Variants in TCF7L1 observed in about 807,000 individuals in gnomAD.
The protein encoded by TCF7L1 is transcription factor 7 like 1, also known as transcription factor 7-like 1.
A neutral mutation model predicts 63.7 loss-of-function variants in TCF7L1; 18 were observed. The ratio of observed to expected loss-of-function variants is 0.28; its 90% CI spans 0.20 to 0.42. The LOEUF is 0.42. Among genes scored for constraint, TCF7L1 ranks in the 10% least tolerant of loss-of-function variants. TCF7L1 has a pLI of 1.00. For missense variants in TCF7L1, 654 were observed against 779.3 expected (o/e 0.84, Z 1.91); for synonymous variants, 355 against 340.9 (o/e 1.04, Z -0.46).
intron 3 of TCF7L1, among the ~76,000 whole-genome samples, chr2:85,270,224 A>G (rs1201220953): frequency 6.6e-6 from 1 of 152,164 alleles, no homozygotes; most frequent in East Asian, 1.9e-4. Flanking sequence ...TTTCTCCTCA[A>G]TACCTGGGAT....
intron 3 of TCF7L1, among the ~76,000 whole-genome samples, chr2:85,269,161 G>A (rs375132072): frequency 2.0e-5 from 3 of 152,238 alleles, no homozygotes; most frequent in South Asian, 4.2e-4. Flanking sequence ...TCCTAGGGGT[G>A]CCCTCATCCA....
At chr2:85,287,769 C>T (rs1312354851) in intron 4 of TCF7L1, among the ~76,000 whole-genome samples, 1 of 152,128 alleles carries the variant, frequency 6.6e-6, no homozygotes, top group Non-Finnish European at 1.5e-5. Context: ...CTCATTCCAA[C>T]GAGAGGTGTG....
intron 3 of TCF7L1, among the ~76,000 whole-genome samples, chr2:85,278,599 G>A (rs550199457): frequency 6.6e-6 from 1 of 152,266 alleles, no homozygotes; most frequent in African/African-American, 2.4e-5. Flanking sequence ...AGAGAAAAAT[G>A]CAACAACTGC....
chr2:85,227,455 C>A (rs1174397916), intron 3 of TCF7L1, among the ~76,000 whole-genome samples: 1 of 148,150 alleles, frequency 6.7e-6, no homozygotes, highest in Non-Finnish European at 1.5e-5. Context: ...TTTTTTTTAA[C>A]CAAGTAAGAA....
intron 3 of TCF7L1, among the ~76,000 whole-genome samples, chr2:85,241,444 T>TTTTG (rs1558643535): frequency 8.0e-6 from 1 of 125,730 alleles, no homozygotes; most frequent in African/African-American, 2.8e-5. Flanking sequence ...TTTGTTTTTT[T>TTTTG]TTTTTTTTTT....
chr2:85,135,276 G>A (rs1189804970), intron 3 of TCF7L1, among the ~76,000 whole-genome samples: 1 of 152,174 alleles, frequency 6.6e-6, no homozygotes, highest in South Asian at 2.1e-4. Flanking sequence ...GGGCTGGCGA[G>A]GCCTTTGTGT....
intron 3 of TCF7L1, among the ~76,000 whole-genome samples, chr2:85,265,355 C>A (rs1680942547): frequency 6.6e-6 from 1 of 152,020 alleles, no homozygotes; most frequent in South Asian, 2.1e-4. Flanking sequence ...ATGGGGAACG[C>A]AGACAGGAAT....
intron 3 of TCF7L1, among the ~76,000 whole-genome samples, chr2:85,203,009 A>AT (rs1330933511): frequency 2.0e-5 from 3 of 151,704 alleles, no homozygotes; most frequent in Non-Finnish European, 1.5e-5. Flanking sequence ...AATTTTTTGT[A>AT]TTTTTTTGGT....
chr2:85,261,328 A>T (rs7584666), intron 3 of TCF7L1, among the ~76,000 whole-genome samples: 65,711 of 152,100 alleles, frequency 0.43, 15,136 homozygotes, highest in Non-Finnish European at 0.53. Flanking sequence ...CACAGGCCAG[A>T]CCTCTGGATT....
chr2:85,172,414 T>C (rs1401265474), intron 3 of TCF7L1, among the ~76,000 whole-genome samples: 1 of 152,176 alleles, frequency 6.6e-6, no homozygotes. Flanking sequence ...TGTGCCTCCT[T>C]CACCTAGAAC....
intron 3 of TCF7L1, among the ~76,000 whole-genome samples, chr2:85,211,480 C>T (rs762102929): frequency 3.3e-5 from 5 of 152,170 alleles, no homozygotes; most frequent in Admixed American, 6.5e-5. Flanking sequence ...AGTGCTGGCT[C>T]GTAGTGGGAT....
chr2:85,139,941 A>G (rs1050281295), intron 3 of TCF7L1, among the ~76,000 whole-genome samples: 1 of 152,196 alleles, frequency 6.6e-6, no homozygotes, highest in African/African-American at 2.4e-5. Context: ...TAGAAAGATA[A>G]TGGTGGATTG....
At chr2:85,161,445 T>C (rs900050282) in intron 3 of TCF7L1, among the ~76,000 whole-genome samples, 3 of 151,984 alleles carry the variant, frequency 2.0e-5, no homozygotes, top group African/African-American at 7.2e-5. Context: ...GCAAGGGAGG[T>C]GCTTCGGGGC....
Position 85,177,808 on chromosome 2 carries a change from G to A in TCF7L1, c.441+43358G>A, listed in dbSNP as rs1003022360. 4.6e-5 allele frequency among the ~76,000 whole-genome samples: 7 copies of A among 152,266 alleles called. No individual in the cohort carries two copies. In the East Asian group the frequency reaches 1.3e-3, roughly 29 times the overall value. ...GTCTTATCTTTGTCTTTATTCTGAT[G>A]AATTCATATTTTATATAGTTAAAAT... On this transcript the variant is annotated intron_variant, in intron 3 of 11. Transcript: ENST00000282111.
rs545293100 is a variant in TCF7L1, at chr2:85,245,547, T to A, written c.442-37948T>A. ...AACAGACCGGGCCAGGCACGGTGGC[T>A]CACATCTGTAATCCCAGCACTTTGG... On this transcript the variant is annotated intron_variant, in intron 3 of 11. Coordinates refer to ENST00000282111, the MANE Select transcript of TCF7L1 (RefSeq NM_031283.3). 2.5e-3 allele frequency among the ~76,000 whole-genome samples: 386 copies of A among 152,222 alleles called. 1 individual carries two copies. Among genetic ancestry groups the A allele is most frequent in the Non-Finnish European group, 4.7e-3 (321 of 68,006 alleles).
At chr2:85,216,219 C>T (rs1199642821) in intron 3 of TCF7L1, among the ~76,000 whole-genome samples, 2 of 152,158 alleles carry the variant, frequency 1.3e-5, no homozygotes, top group African/African-American at 2.4e-5. Flanking sequence ...CAAGTTTGGG[C>T]CCTGCCTGCC....
intron 3 of TCF7L1, among the ~76,000 whole-genome samples, chr2:85,192,602 C>T (rs1390016759): frequency 3.3e-5 from 5 of 151,536 alleles, no homozygotes; most frequent in Non-Finnish European, 5.9e-5. Context: ...AGGCTGGTCT[C>T]GAACTCCTGG....
At chr2:85,205,305 C>A (rs1294956227) in intron 3 of TCF7L1, among the ~76,000 whole-genome samples, 3 of 152,168 alleles carry the variant, frequency 2.0e-5, no homozygotes, top group African/African-American at 2.4e-5. Context: ...TGCATTTTCT[C>A]TCTCAGTGCT....
chr2:85,168,645 A>G (rs1275968698), intron 3 of TCF7L1, among the ~76,000 whole-genome samples: 1 of 151,562 alleles, frequency 6.6e-6, no homozygotes, highest in Non-Finnish European at 1.5e-5. Context: ...TTTTTGAGAC[A>G]GAGCCTCACT....
Sources: gnomAD v4.1 joint callset for allele counts (sites outside exome capture counted in the v4.1 genomes callset) on GRCh38, gnomAD v4.1.1 for gene constraint, MANE v1.5 for transcripts, NCBI Gene and HGNC (gene_info 2026-07-23, HGNC 2026-07-21) for gene names.